Variants in MEGF11 observed in about 807,000 individuals in gnomAD.
MEGF11 encodes the protein multiple epidermal growth factor-like domains protein 11.
In MEGF11, 126 loss-of-function variants were observed where a neutral mutation model predicts 146.6. The observed-to-expected ratio is 0.86, with a 90% CI of 0.74 to 1.00. The LOEUF (loss-of-function observed/expected upper bound fraction) is 1.00. Ranked by LOEUF, MEGF11 falls within the 50% of genes least tolerant of loss-of-function variation. The pLI is 0.00. For synonymous variants in MEGF11, 532 were observed against 583.4 expected, an observed-to-expected ratio of 0.91 and a Z score of 1.27; for missense variants, 1,509 against 1,521.2, an observed-to-expected ratio of 0.99 and a Z score of 0.13.
intron 4 of MEGF11, among the ~76,000 whole-genome samples, chr15:66,113,909 C>T (rs2087582286): frequency 6.6e-6 from 1 of 151,918 alleles, no homozygotes; most frequent in Admixed American, 6.6e-5. Context: ...GAAACCGTTG[C>T]CTAGTGGTTC....
intron 5 of MEGF11, among the ~76,000 whole-genome samples, chr15:66,051,201 C>T (rs1656832767): frequency 6.6e-6 from 1 of 152,000 alleles, no homozygotes; most frequent in Non-Finnish European, 1.5e-5. Flanking sequence ...TCCCTTTTTG[C>T]AGATGAAGAA....
At chr15:66,186,048 C>T (rs1051706188) in intron 1 of MEGF11, among the ~76,000 whole-genome samples, 4 of 152,174 alleles carry the variant, frequency 2.6e-5, no homozygotes, top group Non-Finnish European at 5.9e-5. Flanking sequence ...GCCCCAGGAC[C>T]TTCCTTCATA....
At chr15:66,240,461 GGT>G (rs2092187604) in intron 1 of MEGF11, among the ~76,000 whole-genome samples, 1 of 152,202 alleles carries the variant, frequency 6.6e-6, no homozygotes, top group Non-Finnish European at 1.5e-5. Flanking sequence ...AGGTGCTTCC[GGT>G]GAACAATTTA....
At chr15:65,963,805 T>C (rs1207696303) in intron 9 of MEGF11, among the ~76,000 whole-genome samples, 1 of 152,210 alleles carries the variant, frequency 6.6e-6, no homozygotes, top group Admixed American at 6.5e-5. Context: ...AGGGAGGACC[T>C]TTTAGTTTAA....
chr15:66,105,360 T>A (rs1232090126), intron 4 of MEGF11, among the ~76,000 whole-genome samples: 1 of 152,178 alleles, frequency 6.6e-6, no homozygotes, highest in Non-Finnish European at 1.5e-5. Flanking sequence ...GGCCGGGCCC[T>A]GCCATGGTCC....
intron 5 of MEGF11, among the ~76,000 whole-genome samples, chr15:66,077,453 T>C (rs1449277077): frequency 4.6e-5 from 7 of 152,336 alleles, no homozygotes; most frequent in South Asian, 4.1e-4. Flanking sequence ...GTGAGAAGCA[T>C]TGGAAGATCA....
At chr15:66,113,446 C>T (rs991990340) in intron 4 of MEGF11, among the ~76,000 whole-genome samples, 7 of 152,272 alleles carry the variant, frequency 4.6e-5, no homozygotes, top group South Asian at 2.1e-4. Context: ...GAAACTATGT[C>T]GACCAAAAGG....
At chr15:66,118,317 G>A (rs2087835733) in intron 4 of MEGF11, among the ~76,000 whole-genome samples, 2 of 152,068 alleles carry the variant, frequency 1.3e-5, no homozygotes, top group South Asian at 2.1e-4. Flanking sequence ...CTTGCCGAAA[G>A]CCCCATAGCT....
In MEGF11 at chr15:65,965,605, TTTTTTTTC is replaced by T. The variant is rs1567180087; in HGVS notation, c.900-493_900-486del. Among the ~76,000 whole-genome samples, 8 of 81,172 alleles carry T rather than the reference TTTTTTTTC, an allele frequency of 9.9e-5. No individual in the cohort carries two copies. In the South Asian group the frequency reaches 2.2e-3, roughly 22 times the overall value. The allele number at this position is 81,172 out of a possible 152,430, so 53.3% of individuals were successfully genotyped here. A position where few individuals can be genotyped will look rare whatever the true frequency, so the allele number is the denominator to read the frequency against. On this transcript the variant is annotated intron_variant, in intron 8 of 25. Transcript: ENST00000395614. ...CTTTCTTTCTTTCTTTCTTTCTTTT[TTTTTTTTC>T]TTTTTTTTTTTTTTGGCTCTTCTAT...
At chr15:66,038,235 A>C (rs1043137296) in intron 5 of MEGF11, among the ~76,000 whole-genome samples, 2 of 152,108 alleles carry the variant, frequency 1.3e-5, no homozygotes, top group African/African-American at 2.4e-5. Flanking sequence ...GAAAAAGCAG[A>C]ATTTCTGAGC....
chr15:65,964,084 C>T (rs574820657), intron 9 of MEGF11, among the ~76,000 whole-genome samples: 106 of 152,312 alleles, frequency 7.0e-4, no homozygotes, highest in Non-Finnish European at 1.3e-3. Context: ...GAGGCAGCCA[C>T]GATAAAGGGC....
At chr15:66,046,784 G>C (rs1288543119) in intron 5 of MEGF11, among the ~76,000 whole-genome samples, 1 of 152,184 alleles carries the variant, frequency 6.6e-6, no homozygotes, top group East Asian at 1.9e-4. Flanking sequence ...AGTAGGCTTT[G>C]CTGGCCTCTG....
At chr15:66,026,171 T>A (rs938210324) in intron 5 of MEGF11, among the ~76,000 whole-genome samples, 4 of 152,224 alleles carry the variant, frequency 2.6e-5, no homozygotes, top group Non-Finnish European at 5.9e-5. Context: ...ATGCAGAAGC[T>A]ATCTAGAGAC....
chr15:66,210,079 G>A (rs1403316100), intron 1 of MEGF11, among the ~76,000 whole-genome samples: 1 of 152,140 alleles, frequency 6.6e-6, no homozygotes, highest in Non-Finnish European at 1.5e-5. Context: ...TTCTGCCTCA[G>A]CCTCCGAAAG....
Position 65,957,721 on chromosome 15 carries a change from G to A in MEGF11, c.1113C>T (p.Ser371=). 1.2e-6 allele frequency: 2 copies of A among 1,613,654 alleles called. No individual in the cohort carries two copies. Among genetic ancestry groups the A allele is most frequent in the Non-Finnish European group, 1.7e-6 (2 of 1,179,852 alleles). The change falls in exon 10 of 26, where the codon AGC becomes AGT. Residue 371 remains serine (S), a splice_region_variant and synonymous_variant. Transcript: ENST00000395614. ...PCPCDADNTI[S]CHPVTGACTC... ...TACAAGCTCCAGTTACTGGGTGGCA[G>A]CTGCACAGATGAGAGAAGGGTGAGA...
intron 13 of MEGF11, 131 bp downstream of exon 13, chr15:65,928,294 C>G (rs574247849): frequency 1.8e-5 from 10 of 550,656 alleles, no homozygotes; most frequent in Non-Finnish European, 2.9e-5. Flanking sequence ...GAACCCAGAG[C>G]AGATAAAGGG....
chr15:66,222,140 G>C (rs1234060524), intron 1 of MEGF11, among the ~76,000 whole-genome samples: 3 of 152,092 alleles, frequency 2.0e-5, no homozygotes, highest in Admixed American at 2.0e-4. Flanking sequence ...CTGTTAGGAG[G>C]CCTTGAGGAC....
At chr15:66,247,840 C>A (rs993309809) in intron 1 of MEGF11, among the ~76,000 whole-genome samples, 13 of 152,050 alleles carry the variant, frequency 8.5e-5, no homozygotes, top group Admixed American at 7.9e-4. Flanking sequence ...AGTTTGAGAC[C>A]AGCTTGACCA....
At chr15:65,941,299 C>T (rs905815787) in intron 10 of MEGF11, among the ~76,000 whole-genome samples, 2 of 151,946 alleles carry the variant, frequency 1.3e-5, no homozygotes, top group African/African-American at 4.8e-5. Context: ...ATCTGTAATC[C>T]CAGCTACTTG....
Sources: allele counts gnomAD v4.1 joint callset (sites outside exome capture counted in the v4.1 genomes callset), GRCh38; gene constraint gnomAD v4.1.1; transcripts MANE v1.5; gene names NCBI Gene and HGNC (gene_info 2026-07-23, HGNC 2026-07-21).